The following UGT1A10 variants were observed in gnomAD, a reference collection of about 807,000 sequenced individuals.
UGT1A10 encodes the protein UDP-glucuronosyltransferase 1A10.
UGT1A10 carries 49 observed loss-of-function variants against 45.8 expected under a neutral mutation model. The observed-to-expected ratio is 1.07, with a 90% CI of 0.85 to 1.36. UGT1A10 has a LOEUF of 1.36. Ranked by LOEUF, UGT1A10 falls within the 40% of genes most tolerant of loss-of-function variation. UGT1A10 has a pLI of 0.00. For synonymous variants in UGT1A10, 284 were observed against 249.7 expected (o/e 1.14, Z -1.29); for missense variants, 745 against 668.6 (o/e 1.11, Z -1.26).
chr2:233,753,396 G>C (rs1209022223), intron 1 of UGT1A10: 4 of 152,212 alleles, frequency 2.6e-5, no homozygotes, highest in South Asian at 2.1e-4. Context: ...GAGGGTACTA[G>C]AGCATATCCA....
intron 1 of UGT1A10, among the ~76,000 whole-genome samples, chr2:233,731,284 C>CTTTTTTTTTTTTT (rs78127606): frequency 7.2e-6 from 1 of 139,766 alleles, no homozygotes. Context: ...GTTTTTCTTT[C>CTTTTTTTTTTTTT]TTTTTTTTTT....
At chr2:233,677,928 G>A (rs7571915) in intron 1 of UGT1A10, among the ~76,000 whole-genome samples, 45,618 of 151,884 alleles carry the variant, frequency 0.3, 7,178 homozygotes, top group South Asian at 0.4. Flanking sequence ...CTAGGTGCCC[G>A]TCAACAGTGG....
At chr2:233,761,529 T>C (rs1208884408) in intron 1 of UGT1A10, among the ~76,000 whole-genome samples, 1 of 152,248 alleles carries the variant, frequency 6.6e-6, no homozygotes, top group Non-Finnish European at 1.5e-5. Flanking sequence ...TCAGGACTGA[T>C]GAAATCATTC....
chr2:233,678,685 A>AT (rs892538963), intron 1 of UGT1A10, among the ~76,000 whole-genome samples: 4 of 151,930 alleles, frequency 2.6e-5, no homozygotes, highest in Admixed American at 6.6e-5. Flanking sequence ...TGTAAGGCCA[A>AT]TTTTTTTTCT....
At chr2:233,692,764 A>G (rs902623866) in intron 1 of UGT1A10, 2 of 1,237,922 alleles carry the variant, frequency 1.6e-6, no homozygotes, top group South Asian at 3.4e-5. Flanking sequence ...GGAGCTGAAG[A>G]GAAACACCCA....
At chr2:233,645,263 A>T (rs1226845253) in intron 1 of UGT1A10, among the ~76,000 whole-genome samples, 1 of 152,182 alleles carries the variant, frequency 6.6e-6, no homozygotes, top group Non-Finnish European at 1.5e-5. Context: ...TCCCACCAGG[A>T]TCCTCCCACA....
At chr2:233,665,971 A>G (rs929218991) in intron 1 of UGT1A10, among the ~76,000 whole-genome samples, 1 of 152,184 alleles carries the variant, frequency 6.6e-6, no homozygotes, top group Non-Finnish European at 1.5e-5. Flanking sequence ...GCATTGCGAT[A>G]AAGGAATACC....
At chr2:233,663,510 G>T (rs1247102073) in intron 1 of UGT1A10, among the ~76,000 whole-genome samples, 1 of 152,088 alleles carries the variant, frequency 6.6e-6, no homozygotes, top group Admixed American at 6.6e-5. Flanking sequence ...CAAGGACAGG[G>T]TCTGCAAAAT....
intron 1 of UGT1A10, among the ~76,000 whole-genome samples, chr2:233,662,915 T>C (rs1460348817): frequency 1.3e-5 from 2 of 151,838 alleles, no homozygotes; most frequent in Non-Finnish European, 2.9e-5. Flanking sequence ...TTTAGTTTAT[T>C]TATATGGTAT....
rs956485327 is a variant in UGT1A10, at chr2:233,732,755, GTTTTTTT to G, written c.856-34269_856-34263del. On this transcript the variant is annotated intron_variant, in intron 1 of 4. Transcript: ENST00000344644. Reference sequence around the variant, plus strand: ...CAGGTAGCATGATGCCACCAGCTTTGTTTTTTTTTTTTTTTTGCTTAGGATTGTCTTG... The same window carrying G: ...CAGGTAGCATGATGCCACCAGCTTTGTTTTTTTTTGCTTAGGATTGTCTTG... Among the ~76,000 whole-genome samples the G allele has an allele frequency of 7.5e-5, 9 of 120,224 alleles. No individual in the cohort carries two copies. The East Asian group carries it at 1.2e-3, about 16-fold the overall frequency. 78.9% of individuals were successfully genotyped at this position (120,224 alleles called of 152,430 possible).
At chr2:233,746,657 G>T (rs4663333) in intron 1 of UGT1A10, among the ~76,000 whole-genome samples, 82,861 of 151,208 alleles carry the variant, frequency 0.55, 24,907 homozygotes, top group African/African-American at 0.8. Flanking sequence ...TTTCTGTCCC[G>T]AGTTCCTAGC....
intron 1 of UGT1A10, among the ~76,000 whole-genome samples, chr2:233,735,822 A>G (rs1482941738): frequency 6.6e-6 from 1 of 152,164 alleles, no homozygotes. Flanking sequence ...TTCTTTAAGA[A>G]TGTTGAATAT....
Position 233,769,013 on chromosome 2 carries a change from C to T in UGT1A10, c.1295+574C>T, listed in dbSNP as rs4148328. 0.32 allele frequency among the ~76,000 whole-genome samples: 49,227 copies of T among 151,996 alleles called. 8,798 individuals are homozygous for T. Among genetic ancestry groups the T allele is most frequent in the East Asian group, 0.6 (3,101 of 5,178 alleles). On this transcript the variant is annotated intron_variant, in intron 4 of 4. Transcript: ENST00000344644. The surrounding 1 kb of genome is among the most constrained non-coding windows in gnomAD (Gnocchi z 4.4). ...CCATTAGATTTAAAACTCCAATTTA[C>T]ATAAAAAGTTGCCATAATAGACATC...
At chr2:233,707,104 C>G (rs2075941348) in intron 1 of UGT1A10, among the ~76,000 whole-genome samples, 1 of 152,018 alleles carries the variant, frequency 6.6e-6, no homozygotes, top group Admixed American at 6.6e-5. Context: ...GCTGAGGGAC[C>G]CCCAAAATAC....
At chr2:233,729,970 G>A in intron 1 of UGT1A10, 4 of 1,614,030 alleles carry the variant, frequency 2.5e-6, no homozygotes, top group Non-Finnish European at 3.4e-6. Flanking sequence ...CATCAACTGT[G>A]CCAACAGGAA....
chr2:233,682,164 C>T (rs374860015), intron 1 of UGT1A10: 114 of 1,614,088 alleles, frequency 7.1e-5, no homozygotes, highest in Non-Finnish European at 9.1e-5. Context: ...ACAGTGAAGA[C>T]TTACTCAACC....
At chr2:233,714,334 A>T (rs147538599) in intron 1 of UGT1A10, among the ~76,000 whole-genome samples, 1 of 152,254 alleles carries the variant, frequency 6.6e-6, no homozygotes, top group East Asian at 1.9e-4. Context: ...AGACCTAAGC[A>T]CTCAGAGGAA....
intron 1 of UGT1A10, among the ~76,000 whole-genome samples, chr2:233,717,616 G>A (rs555691364): frequency 2.6e-5 from 4 of 152,224 alleles, no homozygotes; most frequent in African/African-American, 9.6e-5. Context: ...ACAGCCCAGA[G>A]AGCCTGCCCA....
intron 1 of UGT1A10, among the ~76,000 whole-genome samples, chr2:233,727,078 A>G (rs1212092454): frequency 6.6e-6 from 1 of 152,188 alleles, no homozygotes; most frequent in Non-Finnish European, 1.5e-5. Flanking sequence ...TTCTCTTACA[A>G]ACATTAAAGA....
Sources: allele counts gnomAD v4.1 joint callset (sites outside exome capture counted in the v4.1 genomes callset), GRCh38; gene constraint gnomAD v4.1.1; non-coding constraint Gnocchi (gnomAD v3.1); transcripts MANE v1.5; gene names NCBI Gene and HGNC (gene_info 2026-07-23, HGNC 2026-07-21).